CDYL: variants seen among roughly 807,000 people sequenced by gnomAD.
The protein encoded by CDYL is chromodomain Y-like protein.
Under a neutral mutation model 47.3 loss-of-function variants are expected in CDYL, and 8 were observed. The observed-to-expected ratio is 0.17, with a 90% CI of 0.10 to 0.31. The LOEUF is 0.31. CDYL is among the 10% of genes least tolerant of loss of function. CDYL has a pLI of 1.00. For synonymous variants in CDYL, 266 were observed against 265.0 expected (o/e 1.00, Z -0.04); for missense variants, 471 against 701.4 (o/e 0.67, Z 3.71).
rs1434959596 is a variant in CDYL, at chr6:4,954,713, A to G, written c.*657A>G. 6.6e-6 allele frequency: 1 copy of G among 152,356 alleles called. No homozygotes were observed. Among genetic ancestry groups the G allele is most frequent in the East Asian group, 1.9e-4 (1 of 5,202 alleles). 9.4% of individuals were successfully genotyped at this position (152,356 alleles called of 1,614,324 possible). On this transcript the variant is annotated 3_prime_UTR_variant, in exon 7 of 7. Coordinates refer to ENST00000397588, the MANE Select transcript of CDYL (RefSeq NM_004824.4). ...TTCCCCTTCTTTTTAAAATACGTCC[A>G]GTTCTTACCCAGTTAACATGAAGAA... is the stretch of plus-strand genomic sequence containing the variant.
chr6:4,749,210 A>C (rs1202063270), intron 3 of CDYL, among the ~76,000 whole-genome samples: 1 of 152,256 alleles, frequency 6.6e-6, no homozygotes, highest in Non-Finnish European at 1.5e-5. Flanking sequence ...CCTGGGAGGC[A>C]AGAGCTGGTT....
At chr6:4,865,431 G>C (rs1189841590) in intron 1 of CDYL, among the ~76,000 whole-genome samples, 1 of 152,166 alleles carries the variant, frequency 6.6e-6, no homozygotes, top group Non-Finnish European at 1.5e-5. Flanking sequence ...CCCTTTTCCA[G>C]GTTTATTCTC....
intron 3 of CDYL, among the ~76,000 whole-genome samples, chr6:4,754,684 G>A (rs1455648870): frequency 6.6e-6 from 1 of 152,166 alleles, no homozygotes; most frequent in Non-Finnish European, 1.5e-5. Context: ...ATCTAGCACT[G>A]CTCTGATTGG....
intron 1 of CDYL, among the ~76,000 whole-genome samples, chr6:4,874,835 G>C (rs191546937): frequency 6.6e-6 from 1 of 152,276 alleles, no homozygotes; most frequent in Admixed American, 6.5e-5. Context: ...GTTCGTGTCT[G>C]TTTTCATTTG....
chr6:4,716,366 CTCT>C (rs1391492966), intron 2 of CDYL, among the ~76,000 whole-genome samples: 1 of 152,150 alleles, frequency 6.6e-6, no homozygotes, highest in Non-Finnish European at 1.5e-5. Context: ...GCAAGCTCTC[CTCT>C]TTTTTCATTC....
At chr6:4,717,839 A>AT (rs11450522) in intron 2 of CDYL, among the ~76,000 whole-genome samples, 78,104 of 144,112 alleles carry the variant, frequency 0.54, 22,322 homozygotes, top group South Asian at 0.7. Context: ...ACCCTGTTAG[A>AT]TTTTTTTTTT....
chr6:4,713,694 T>A (rs6901429), intron 1 of CDYL, among the ~76,000 whole-genome samples: 58,747 of 151,464 alleles, frequency 0.39, 11,534 homozygotes, highest in East Asian at 0.53. Flanking sequence ...TTCAAGAAGT[T>A]CTCCTGTCTC....
At chr6:4,848,202 T>G (rs181057019) in intron 1 of CDYL, among the ~76,000 whole-genome samples, 1 of 152,290 alleles carries the variant, frequency 6.6e-6, no homozygotes, top group Admixed American at 6.5e-5. Context: ...GGGTGCTTTA[T>G]TGTATAGGCA....
intron 1 of CDYL, among the ~76,000 whole-genome samples, chr6:4,849,801 C>T (rs73364571): frequency 0.025 from 3,855 of 152,000 alleles, 94 homozygotes; most frequent in East Asian, 0.085. Context: ...GGAAACAGTA[C>T]TAATGAACTG....
intron 4 of CDYL, among the ~76,000 whole-genome samples, chr6:4,940,686 T>C (rs546332387): frequency 6.6e-6 from 1 of 152,352 alleles, no homozygotes; most frequent in African/African-American, 2.4e-5. Flanking sequence ...CCAGAACCAG[T>C]AGCTGCCACT....
At chr6:4,845,659 A>G (rs777161213) in intron 1 of CDYL, among the ~76,000 whole-genome samples, 2 of 152,230 alleles carry the variant, frequency 1.3e-5, no homozygotes, top group Non-Finnish European at 2.9e-5. Context: ...GCCTTAAAGT[A>G]GCTATAGACA....
chr6:4,925,574 C>T (rs1411984118), intron 2 of CDYL, among the ~76,000 whole-genome samples: 2 of 152,024 alleles, frequency 1.3e-5, no homozygotes, highest in Admixed American at 6.6e-5. Flanking sequence ...CGCCACCACA[C>T]TCGGCTAATT....
chr6:4,918,696 CT>C (rs1387155756), intron 2 of CDYL, among the ~76,000 whole-genome samples: 1 of 152,204 alleles, frequency 6.6e-6, no homozygotes, highest in Admixed American at 6.5e-5. Flanking sequence ...ATGGAGTTCA[CT>C]TTTAAGGATT....
intron 1 of CDYL, among the ~76,000 whole-genome samples, chr6:4,863,421 A>G (rs764774671): frequency 6.6e-6 from 1 of 152,200 alleles, no homozygotes; most frequent in Non-Finnish European, 1.5e-5. Flanking sequence ...GCAAAAATAG[A>G]AAAAATCGAG....
intron 1 of CDYL, among the ~76,000 whole-genome samples, chr6:4,777,922 A>G (rs1342390676): frequency 2.6e-5 from 4 of 152,158 alleles, no homozygotes; most frequent in African/African-American, 2.4e-5. Flanking sequence ...AATTAAGGGT[A>G]AGGTTGTTGC....
intron 2 of CDYL, among the ~76,000 whole-genome samples, chr6:4,933,889 A>T (rs930359077): frequency 2.0e-5 from 3 of 152,214 alleles, no homozygotes; most frequent in Non-Finnish European, 4.4e-5. Flanking sequence ...TGCAGTGTGA[A>T]CTGGAAAATG....
intron 1 of CDYL, among the ~76,000 whole-genome samples, chr6:4,867,769 G>A (rs62386611): frequency 7.2e-6 from 1 of 139,856 alleles, no homozygotes; most frequent in African/African-American, 3.0e-5. Context: ...AGGTTGTTGT[G>A]GGGTTTTTTT....
At chr6:4,876,372 G>T (rs895120720) in intron 1 of CDYL, among the ~76,000 whole-genome samples, 1 of 152,162 alleles carries the variant, frequency 6.6e-6, no homozygotes, top group Non-Finnish European at 1.5e-5. Context: ...GGATTGCTGG[G>T]TCACAGGGTA....
intron 3 of CDYL, among the ~76,000 whole-genome samples, chr6:4,748,755 G>A (rs563373477): frequency 6.6e-6 from 1 of 152,192 alleles, no homozygotes; most frequent in South Asian, 2.1e-4. Context: ...GGAAGAAGGA[G>A]AGGTAAAAAG....
Sources: allele counts gnomAD v4.1 joint callset (sites outside exome capture counted in the v4.1 genomes callset), GRCh38; gene constraint gnomAD v4.1.1; transcripts MANE v1.5; gene names NCBI Gene and HGNC (gene_info 2026-07-23, HGNC 2026-07-21).